SNX18: variants seen among roughly 807,000 people sequenced by gnomAD.
SNX18 encodes sorting nexin-18.
A neutral mutation model predicts 48.7 loss-of-function variants in SNX18; 35 were observed. The ratio of observed to expected loss-of-function variants is 0.72; its 90% CI spans 0.55 to 0.95. SNX18 has a LOEUF of 0.95. SNX18 is among the 40% of genes least tolerant of loss of function. SNX18 has a pLI of 0.00. For missense variants in SNX18, 824 were observed against 871.0 expected, an observed-to-expected ratio of 0.95 and a Z score of 0.68; for synonymous variants, 492 against 384.7, an observed-to-expected ratio of 1.28 and a Z score of -3.26.
the SNX18 span, among the ~76,000 whole-genome samples, chr5:54,640,634 CCT>C: frequency 6.6e-6 from 1 of 152,194 alleles, no homozygotes; most frequent in East Asian, 1.9e-4. Context: ...CCCTTTACAA[CCT>C]CTCTTTGACC....
At chr5:54,615,669 A>C in the SNX18 span, among the ~76,000 whole-genome samples, 1 of 152,210 alleles carries the variant, frequency 6.6e-6, no homozygotes, top group Non-Finnish European at 1.5e-5. Flanking sequence ...TTTGGGCTTT[A>C]ACCAAATGTT....
the SNX18 span, among the ~76,000 whole-genome samples, chr5:54,607,686 A>G: frequency 6.6e-6 from 1 of 152,042 alleles, no homozygotes; most frequent in South Asian, 2.1e-4. Context: ...TAGTCTCAGC[A>G]CTCTGGGAGG....
the SNX18 span, among the ~76,000 whole-genome samples, chr5:54,596,566 T>C: frequency 6.6e-6 from 1 of 152,198 alleles, no homozygotes; most frequent in Non-Finnish European, 1.5e-5. Context: ...TACTCATTGC[T>C]AGCTCTGGTA....
chr5:54,539,815 CTT>C (rs1762430200), intron 1 of SNX18, among the ~76,000 whole-genome samples: 1 of 110,552 alleles, frequency 9.0e-6, no homozygotes, highest in Admixed American at 8.5e-5. Flanking sequence ...AAAAATGAGT[CTT>C]TGGGTTTTTT....
the SNX18 span, among the ~76,000 whole-genome samples, chr5:54,586,204 A>C: frequency 6.6e-6 from 1 of 152,064 alleles, no homozygotes; most frequent in Non-Finnish European, 1.5e-5. Flanking sequence ...GAATTATGTA[A>C]ATTTTGTTTT....
At chr5:54,595,805 G>C in the SNX18 span, among the ~76,000 whole-genome samples, 2 of 152,164 alleles carry the variant, frequency 1.3e-5, no homozygotes, top group Non-Finnish European at 1.5e-5. Context: ...AAAGATATTG[G>C]TAGGGCTGAA....
At chr5:54,576,936 G>A in the SNX18 span, among the ~76,000 whole-genome samples, 1 of 152,098 alleles carries the variant, frequency 6.6e-6, no homozygotes, top group African/African-American at 2.4e-5. Flanking sequence ...CGAGTAGCTG[G>A]GATTACGGGC....
At chr5:54,557,081 C>T in the SNX18 span, among the ~76,000 whole-genome samples, 2 of 152,158 alleles carry the variant, frequency 1.3e-5, no homozygotes, top group East Asian at 1.9e-4. Flanking sequence ...AGATACAGCA[C>T]AGAATCAATG....
the SNX18 span, among the ~76,000 whole-genome samples, chr5:54,625,794 A>T: frequency 6.6e-6 from 1 of 152,168 alleles, no homozygotes; most frequent in Non-Finnish European, 1.5e-5. Flanking sequence ...CACATGATCC[A>T]AACCTGGCCA....
chr5:54,575,339 T>C, the SNX18 span, among the ~76,000 whole-genome samples: 1 of 151,100 alleles, frequency 6.6e-6, no homozygotes, highest in African/African-American at 2.4e-5. Flanking sequence ...TGAAGGCAGT[T>C]GAGAAACAAC....
Position 54,518,585 on chromosome 5 carries a change from C to A in SNX18, c.633C>A (p.Pro211=). The change falls in exon 1 of 2, where the codon CCC becomes CCA. Residue 211 remains proline (P), a synonymous_variant. Coordinates refer to ENST00000381410, the MANE Select transcript of SNX18 (RefSeq NM_001102575.2). The stretch of plus-strand genomic sequence containing the variant: ...TGGGTTCCCGCGGCGGCTCGGTCCC[C>A]CCGCAGCACCACCCGTCGGGGCCCA... The part of the protein sequence containing the change: ...LSLGSRGGSV[P]PQHHPSGPKS... 1 of 1,580,938 alleles carries A rather than the reference C, an allele frequency of 6.3e-7. No individual in the cohort carries two copies.
At chr5:54,629,852 A>C in the SNX18 span, among the ~76,000 whole-genome samples, 6 of 152,252 alleles carry the variant, frequency 3.9e-5, no homozygotes, top group Non-Finnish European at 5.9e-5. Context: ...AGAGAGGATT[A>C]GAAACTGGGA....
At chr5:54,525,058 A>G (rs780301594) in intron 1 of SNX18, among the ~76,000 whole-genome samples, 1 of 152,236 alleles carries the variant, frequency 6.6e-6, no homozygotes, top group African/African-American at 2.4e-5. Flanking sequence ...CGGGACCAGC[A>G]TGGGCTCTGG....
the SNX18 span, among the ~76,000 whole-genome samples, chr5:54,640,978 T>C: frequency 6.6e-6 from 1 of 152,092 alleles, no homozygotes; most frequent in Non-Finnish European, 1.5e-5. Context: ...GAGAACTGCT[T>C]GAATGTGGGA....
At chr5:54,584,549 G>A in the SNX18 span, among the ~76,000 whole-genome samples, 18 of 152,086 alleles carry the variant, frequency 1.2e-4, no homozygotes, top group African/African-American at 3.1e-4. Flanking sequence ...CTTGTTGTTC[G>A]AAAAGATTAA....
chr5:54,523,942 G>C (rs1336845472), intron 1 of SNX18, among the ~76,000 whole-genome samples: 1 of 152,228 alleles, frequency 6.6e-6, no homozygotes, highest in Non-Finnish European at 1.5e-5. Flanking sequence ...GGAATACAGA[G>C]AAAAGCTCTA....
the SNX18 span, among the ~76,000 whole-genome samples, chr5:54,639,306 A>C: frequency 1.3e-5 from 2 of 152,184 alleles, no homozygotes; most frequent in Non-Finnish European, 2.9e-5. Flanking sequence ...AATTTTTCAG[A>C]AAAAGCAATG....
chr5:54,636,525 C>G, the SNX18 span, among the ~76,000 whole-genome samples: 5 of 152,150 alleles, frequency 3.3e-5, no homozygotes, highest in Non-Finnish European at 7.4e-5. Flanking sequence ...CCCAGTAAAC[C>G]TGTACGTTGT....
chr5:54,538,490 A>G (rs577226600), intron 1 of SNX18, among the ~76,000 whole-genome samples: 1 of 152,322 alleles, frequency 6.6e-6, no homozygotes, highest in East Asian at 1.9e-4. Context: ...GACTTCCATA[A>G]TTAGCTTACC....
Sources: allele counts gnomAD v4.1 joint callset (sites outside exome capture counted in the v4.1 genomes callset), GRCh38; gene constraint gnomAD v4.1.1; transcripts MANE v1.5; gene names NCBI Gene and HGNC (gene_info 2026-07-23, HGNC 2026-07-21).